Variants in GRM8 observed in about 807,000 individuals in gnomAD.
The protein encoded by GRM8 is glutamate metabotropic receptor 8, also known as metabotropic glutamate receptor 8.
A neutral mutation model predicts 87.2 loss-of-function variants in GRM8; 47 were observed. The ratio of observed to expected loss-of-function variants is 0.54; its 90% confidence interval spans 0.43 to 0.69. The LOEUF (loss-of-function observed/expected upper bound fraction) is 0.69. Among genes scored for constraint, GRM8 ranks in the 30% least tolerant of loss-of-function variants. The pLI, the probability that GRM8 is intolerant of heterozygous loss-of-function variation, is 0.00. For synonymous variants in GRM8, 396 were observed against 404.5 expected (o/e 0.98, Z 0.25); for missense variants, 1,019 against 1,139.2 (o/e 0.89, Z 1.52).
At chr7:126,921,067 C>A (rs1465451568) in intron 3 of GRM8, among the ~76,000 whole-genome samples, 1 of 152,056 alleles carries the variant, frequency 6.6e-6, no homozygotes, top group Non-Finnish European at 1.5e-5. Context: ...TTGAGAGGAG[C>A]CTTTACCGTG....
At chr7:126,793,119 GT>G (rs1166839506) in intron 6 of GRM8, among the ~76,000 whole-genome samples, 1 of 152,120 alleles carries the variant, frequency 6.6e-6, no homozygotes, top group African/African-American at 2.4e-5. Context: ...TTTTTCATGA[GT>G]TTTCCTATCA....
intron 2 of GRM8, among the ~76,000 whole-genome samples, chr7:127,234,213 T>A (rs541620729): frequency 1.3e-5 from 2 of 152,240 alleles, no homozygotes; most frequent in African/African-American, 2.4e-5. Context: ...GCCTCTTTCA[T>A]CTTTTACTGT....
At chr7:126,801,663 T>C (rs1822715600) in intron 6 of GRM8, among the ~76,000 whole-genome samples, 1 of 152,026 alleles carries the variant, frequency 6.6e-6, no homozygotes, top group Admixed American at 6.6e-5. Flanking sequence ...AAAATAAAAA[T>C]ATGTAAATAT....
intron 6 of GRM8, among the ~76,000 whole-genome samples, chr7:126,775,893 C>A (rs1484857321): frequency 6.6e-6 from 1 of 152,084 alleles, no homozygotes; most frequent in African/African-American, 2.4e-5. Context: ...TCTGCTGCAC[C>A]ACACACCTCT....
chr7:127,223,914 T>TAAAAAAAAAAAAA (rs71177597), intron 2 of GRM8, among the ~76,000 whole-genome samples: 1 of 133,780 alleles, frequency 7.5e-6, no homozygotes, highest in Non-Finnish European at 1.6e-5. Flanking sequence ...AAATGAAATG[T>TAAAAAAAAAAAAA]AAAAAAAAAA....
At chr7:126,801,681 G>T (rs1822717907) in intron 6 of GRM8, among the ~76,000 whole-genome samples, 1 of 152,046 alleles carries the variant, frequency 6.6e-6, no homozygotes, top group Non-Finnish European at 1.5e-5. Context: ...TATTTACAAT[G>T]CAGAGGGGAG....
At chr7:126,515,656 G>C (rs1477393075) in intron 9 of GRM8, among the ~76,000 whole-genome samples, 1 of 152,046 alleles carries the variant, frequency 6.6e-6, no homozygotes, top group Non-Finnish European at 1.5e-5. Flanking sequence ...ATCTTTTAGA[G>C]GCTGTTTTCT....
intron 7 of GRM8, among the ~76,000 whole-genome samples, chr7:126,739,335 A>G (rs1463197752): frequency 6.6e-6 from 1 of 151,998 alleles, no homozygotes; most frequent in East Asian, 1.9e-4. Context: ...AGCAGTGAGA[A>G]CAGGAGCAGT....
rs757017205 is a variant in GRM8, at chr7:127,242,815, A to C, written c.390T>G (p.Asp130Glu). Residue 130 changes from aspartate to glutamate, a missense_variant, in exon 2 of 11, where the codon GAT becomes GAG. By Grantham distance (45) the Asp-to-Glu change is conservative (BLOSUM62 2). Coordinates refer to ENST00000339582, the MANE Select transcript of GRM8 (RefSeq NM_000845.3). ...VQALIEKDAS[D>E]VKCANGDPPI... ...GTGGATCTCCATTAGCACACTTCAC[A>C]TCCGAAGCATCTTTCTCTATTAATG... The C allele has an allele frequency of 1.0e-4, 162 of 1,613,988 alleles. No homozygotes were observed. The highest frequency in any genetic ancestry group is 1.2e-4 in the Non-Finnish European group (143 of 1,180,010).
rs539327648 is a variant in GRM8, at chr7:126,461,957, C to T, written c.2431-15585G>A. 1.3e-4 allele frequency among the ~76,000 whole-genome samples: 19 copies of T among 151,552 alleles called. No individual in the cohort carries two copies. The South Asian group carries it at 3.9e-3, about 31-fold the overall frequency. On this transcript the variant is annotated intron_variant, in intron 9 of 10. Transcript: ENST00000339582. The stretch of plus-strand genomic sequence containing the variant: ...GCTTCAGTGATGTGAGCATTGTTGT[C>T]GAGGAGTGACAAGTAACTAAAAATA...
At chr7:126,640,356 G>A (rs917094484) in intron 7 of GRM8, among the ~76,000 whole-genome samples, 8 of 151,990 alleles carry the variant, frequency 5.3e-5, no homozygotes, top group African/African-American at 1.7e-4. Flanking sequence ...GAATAAACTA[G>A]AATAACTAAG....
intron 7 of GRM8, among the ~76,000 whole-genome samples, chr7:126,694,736 C>T (rs954739720): frequency 2.6e-5 from 4 of 152,170 alleles, no homozygotes; most frequent in South Asian, 2.1e-4. Context: ...CATTTAATGA[C>T]GCTTTCATGC....
chr7:126,945,106 T>G (rs1348102065), intron 3 of GRM8, among the ~76,000 whole-genome samples: 1 of 152,154 alleles, frequency 6.6e-6, no homozygotes, highest in Non-Finnish European at 1.5e-5. Context: ...AAATTACATG[T>G]GTAGATGTTT....
intron 1 of GRM8, among the ~76,000 whole-genome samples, chr7:127,246,909 CCT>C (rs1798611167): frequency 6.6e-6 from 1 of 152,164 alleles, no homozygotes; most frequent in Non-Finnish European, 1.5e-5. Flanking sequence ...GGCCCCAACC[CCT>C]GAGAGCGTGA....
chr7:126,504,644 C>T (rs907721422), intron 9 of GRM8, among the ~76,000 whole-genome samples: 1 of 151,884 alleles, frequency 6.6e-6, no homozygotes, highest in Non-Finnish European at 1.5e-5. Context: ...TGCCCCTGAA[C>T]CCAAAATAAA....
chr7:126,670,809 T>C (rs1178225978), intron 7 of GRM8, among the ~76,000 whole-genome samples: 1 of 152,218 alleles, frequency 6.6e-6, no homozygotes, highest in African/African-American at 2.4e-5. Context: ...GCTTTAGTTT[T>C]TTTTATAGTC....
At chr7:126,627,518 T>C (rs1800823842) in intron 7 of GRM8, among the ~76,000 whole-genome samples, 1 of 152,200 alleles carries the variant, frequency 6.6e-6, no homozygotes, top group Non-Finnish European at 1.5e-5. Flanking sequence ...CCCTTAACAG[T>C]TCTTGTAGCT....
intron 7 of GRM8, among the ~76,000 whole-genome samples, chr7:126,652,740 T>C (rs7786952): frequency 0.013 from 1,924 of 152,320 alleles, 40 homozygotes; most frequent in African/African-American, 0.044. Context: ...CAGCCTATTG[T>C]GGGACCTTTG....
chr7:126,741,623 G>A (rs1815011467), intron 7 of GRM8, among the ~76,000 whole-genome samples: 1 of 152,058 alleles, frequency 6.6e-6, no homozygotes, highest in South Asian at 2.1e-4. Flanking sequence ...GTCATGACAA[G>A]AACAAAAGTT....
Sources: allele counts gnomAD v4.1 joint callset (sites outside exome capture counted in the v4.1 genomes callset), GRCh38; gene constraint gnomAD v4.1.1; transcripts MANE v1.5; gene names NCBI Gene and HGNC (gene_info 2026-07-23, HGNC 2026-07-21).